Variants in SP3 observed in about 807,000 individuals in gnomAD.
SP3 encodes the protein Sp3 transcription factor, also known as transcription factor Sp3.
SP3 carries 10 observed loss-of-function variants against 70.3 expected under a neutral mutation model. That is an observed-to-expected ratio of 0.14 (90% CI 0.09 to 0.24). SP3 has a LOEUF of 0.24. Among genes scored for constraint, SP3 ranks in the 10% least tolerant of loss-of-function variants. SP3 has a pLI of 1.00. For synonymous variants in SP3, 402 were observed against 333.5 expected (o/e 1.21, Z -2.24); for missense variants, 825 against 914.6 (o/e 0.90, Z 1.26).
At chr2:173,921,219 CAT>C (rs1473394999) in intron 4 of SP3, among the ~76,000 whole-genome samples, 3 of 152,156 alleles carry the variant, frequency 2.0e-5, no homozygotes, top group Non-Finnish European at 2.9e-5. Context: ...CTAGTTCCCA[CAT>C]AGTTGACTAA....
chr2:173,919,866 A>G (rs1689700922), intron 4 of SP3, among the ~76,000 whole-genome samples: 1 of 152,172 alleles, frequency 6.6e-6, no homozygotes, highest in African/African-American at 2.4e-5. Context: ...TACACAACCT[A>G]CAGAAATGCA....
chr2:173,957,514 T>G (rs1690934521), intron 3 of SP3, among the ~76,000 whole-genome samples: 1 of 152,060 alleles, frequency 6.6e-6, no homozygotes, highest in Admixed American at 6.5e-5. Flanking sequence ...AAAGAAACCC[T>G]AAATAATAAT....
intron 4 of SP3, among the ~76,000 whole-genome samples, chr2:173,949,044 G>C (rs1690630431): frequency 6.6e-6 from 1 of 152,064 alleles, no homozygotes; most frequent in South Asian, 2.1e-4. Context: ...TTTATGTTGT[G>C]TAAGAGGGGC....
At chr2:173,935,609 C>T (rs1471541328) in intron 4 of SP3, among the ~76,000 whole-genome samples, 1 of 152,162 alleles carries the variant, frequency 6.6e-6, no homozygotes, top group Admixed American at 6.6e-5. Flanking sequence ...CTCCACCATC[C>T]CCAAAATTTC....
chr2:173,913,412 AG>A, intron 5 of SP3, 146 bp from the exon 6 acceptor site: 1 of 524,336 alleles, frequency 1.9e-6, no homozygotes, highest in Non-Finnish European at 3.0e-6. Flanking sequence ...ATTTAAAATC[AG>A]TTTAAATGAA....
rs960916727 is a variant in SP3, at chr2:173,918,573, T to C, written c.1832+20A>G. ...ATATTAGCACTCTTAAAAATATATA[T>C]GTGTTTCATGTATGCATACCTTCCA... On this transcript the variant is annotated intron_variant, in intron 5 of 6. Coordinates refer to ENST00000310015, the MANE Select transcript of SP3 (RefSeq NM_003111.5). The C allele has an allele frequency of 6.2e-6, 10 of 1,604,676 alleles. No individual in the cohort carries two copies. Among genetic ancestry groups the C allele is most frequent in the African/African-American group, 2.7e-5 (2 of 74,536 alleles).
chr2:173,945,127 T>G (rs1266502194), intron 4 of SP3, among the ~76,000 whole-genome samples: 3 of 152,220 alleles, frequency 2.0e-5, no homozygotes. Flanking sequence ...GTATCATCCT[T>G]AAGGATGGGT....
At chr2:173,928,934 T>A (rs1689994461) in intron 4 of SP3, among the ~76,000 whole-genome samples, 1 of 152,214 alleles carries the variant, frequency 6.6e-6, no homozygotes, top group Admixed American at 6.5e-5. Context: ...TTAATCAGAA[T>A]CAGTGAAGCT....
rs1199828607 is a variant in SP3 at position 173,903,472 on chromosome 2, GAATA to G, written c.*6465_*6468del. On this transcript the variant is annotated 3_prime_UTR_variant, in exon 7 of 7. Coordinates refer to ENST00000310015, the MANE Select transcript of SP3 (RefSeq NM_003111.5). ...ATGAAAGGTTTCAACTTTACTAAATGAATAAAGATGGAAAAAAACACACAGAGTT... is the reference window on the plus strand; with the variant it reads ...ATGAAAGGTTTCAACTTTACTAAATGAAGATGGAAAAAAACACACAGAGTT... 6.6e-6 allele frequency among the ~76,000 whole-genome samples: 1 copy of G among 152,078 alleles called. No homozygotes were observed. The highest frequency in any genetic ancestry group is 2.4e-5 in the African/African-American group (1 of 41,386).
intron 4 of SP3, among the ~76,000 whole-genome samples, chr2:173,938,429 C>T (rs1207287682): frequency 5.8e-5 from 8 of 138,796 alleles, no homozygotes; most frequent in East Asian, 2.1e-4. Flanking sequence ...ATTGTGCTCC[C>T]GTCTGGGCAA....
intron 4 of SP3, among the ~76,000 whole-genome samples, chr2:173,935,527 T>A (rs1007777507): frequency 9.9e-5 from 15 of 152,118 alleles, no homozygotes; most frequent in African/African-American, 3.4e-4. Flanking sequence ...CCACTAAAAC[T>A]TTATTATCCT....
chr2:173,921,108 A>G (rs1397163861), intron 4 of SP3, among the ~76,000 whole-genome samples: 5 of 152,170 alleles, frequency 3.3e-5, no homozygotes, highest in African/African-American at 1.2e-4. Flanking sequence ...TTCTGAATGC[A>G]TATTGTACTT....
chr2:173,913,583 C>A, intron 5 of SP3: 1 of 168,628 alleles, frequency 5.9e-6, no homozygotes, highest in Non-Finnish European at 1.3e-5. Flanking sequence ...CTATCAGAAC[C>A]ATTCACAAAT....
chr2:173,955,785 C>T lies in SP3; in HGVS notation c.727G>A (p.Gly243Ser). Residue 243 changes from glycine to serine, a missense_variant, in exon 4 of 7, where the codon GGT becomes AGT. By Grantham distance (56) the Gly-to-Ser change is moderately conservative (BLOSUM62 0). Around this residue, in one of 4 missense-constraint regions of SP3, gnomAD observed 678 missense variants for 651.6 expected, o/e 1.04. Transcript: ENST00000310015. ...TGGGTTTGACCAGGAAAAGATGAACCACCAATTGCAACTCCCTGAACCTGG... is the reference window on the plus strand; with the variant it reads ...TGGGTTTGACCAGGAAAAGATGAACTACCAATTGCAACTCCCTGAACCTGG... ...QVQVQGVAIG[G>S]SSFPGQTQVV... 1.2e-6 allele frequency: 2 copies of T among 1,614,178 alleles called. No individual in the cohort carries two copies. Among genetic ancestry groups the T allele is most frequent in the Non-Finnish European group, 1.7e-6 (2 of 1,180,028 alleles).
In SP3 at chr2:173,902,480, A is replaced by G. The variant is rs4972617; in HGVS notation, c.*7461T>C. Among the ~76,000 whole-genome samples the G allele has an allele frequency of 0.038, 5,815 of 152,328 alleles. 158 individuals carry two copies. The highest frequency in any genetic ancestry group is 0.1 in the Admixed American group (1,575 of 15,298). On this transcript the variant is annotated 3_prime_UTR_variant, in exon 7 of 7. Transcript: ENST00000310015. The stretch of plus-strand genomic sequence containing the variant: ...GGCCAGTGATTCAAGTTCTAGATAC[A>G]TATCTCAAGAAATGCTCACATGTAC...
At chr2:173,946,455 A>G (rs781661313) in intron 4 of SP3, among the ~76,000 whole-genome samples, 48 of 151,182 alleles carry the variant, frequency 3.2e-4, no homozygotes, top group Non-Finnish European at 5.5e-4. Flanking sequence ...CAAATCATCA[A>G]TTTTTTAAAT....
At chr2:173,936,801 C>CTT (rs139549496) in intron 4 of SP3, among the ~76,000 whole-genome samples, 1 of 147,176 alleles carries the variant, frequency 6.8e-6, no homozygotes, top group South Asian at 2.2e-4. Flanking sequence ...CTATTCTTAC[C>CTT]TTTTTTTTTT....
intron 3 of SP3, among the ~76,000 whole-genome samples, chr2:173,957,385 G>A (rs1003710997): frequency 1.3e-5 from 2 of 151,894 alleles, no homozygotes; most frequent in East Asian, 1.9e-4. Flanking sequence ...CTCTGTGGAA[G>A]ACACAAGATT....
chr2:173,939,435 T>C (rs1690297232), intron 4 of SP3, among the ~76,000 whole-genome samples: 1 of 152,174 alleles, frequency 6.6e-6, no homozygotes, highest in Admixed American at 6.5e-5. Context: ...TATAAGGATA[T>C]CTACTGCAGC....
Sources: gnomAD v4.1 joint callset for allele counts (sites outside exome capture counted in the v4.1 genomes callset) on GRCh38, gnomAD v4.1.1 for gene constraint, gnomAD v4.1.1 regional missense constraint, MANE v1.5 for transcripts, NCBI Gene and HGNC (gene_info 2026-07-23, HGNC 2026-07-21) for gene names.